Variants in DCC observed in about 807,000 individuals in gnomAD.
DCC encodes the protein DCC netrin 1 receptor, also known as netrin receptor DCC.
Under a neutral mutation model 172.5 loss-of-function variants are expected in DCC, and 58 were observed. That is an observed-to-expected ratio of 0.34 (90% CI 0.27 to 0.42). The LOEUF is 0.42. Ranked by LOEUF, DCC falls within the 10% of genes least tolerant of loss-of-function variation. The pLI is 1.00. For synonymous variants in DCC, 709 were observed against 644.5 expected (o/e 1.10, Z -1.52); for missense variants, 1,740 against 1,791.0 (o/e 0.97, Z 0.51).
At chr18:52,472,108 C>G (rs906752664) in intron 1 of DCC, among the ~76,000 whole-genome samples, 1 of 152,130 alleles carries the variant, frequency 6.6e-6, no homozygotes, top group Non-Finnish European at 1.5e-5. Flanking sequence ...TGCCATGCAC[C>G]CTGAGTGCAA....
chr18:53,524,294 C>T (rs1452103893), intron 27 of DCC, among the ~76,000 whole-genome samples: 4 of 149,264 alleles, frequency 2.7e-5, no homozygotes, highest in African/African-American at 9.9e-5. Context: ...TTGTTGAATA[C>T]ATGAAAAAAA....
intron 12 of DCC, among the ~76,000 whole-genome samples, chr18:53,230,471 T>G (rs933936613): frequency 6.6e-6 from 1 of 152,042 alleles, no homozygotes; most frequent in Non-Finnish European, 1.5e-5. Flanking sequence ...ATAATGTGTA[T>G]AGTCTTGTGT....
At position 53,486,407 on chromosome 18, in the gene DCC, C is replaced by G. The variant is rs78867711; in HGVS notation, c.3737-390C>G. ...ATTCCCAACATTTTTTCAACCCACT[C>G]TACACAATATATTTGATTTGTGAAC... On this transcript the variant is annotated intron_variant, in intron 25 of 28. Transcript: ENST00000442544. Among the ~76,000 whole-genome samples the G allele has an allele frequency of 2.7e-3, 405 of 152,280 alleles. 6 individuals are homozygous for G. The East Asian group carries it at 0.036, about 14-fold the overall frequency.
intron 1 of DCC, among the ~76,000 whole-genome samples, chr18:52,610,065 A>G (rs1476740050): frequency 1.4e-5 from 2 of 147,056 alleles, no homozygotes; most frequent in African/African-American, 5.1e-5. Context: ...TGTAATCCCA[A>G]CATTTTGGGA....
chr18:52,351,964 A>G (rs952586559), intron 1 of DCC, among the ~76,000 whole-genome samples: 4 of 152,188 alleles, frequency 2.6e-5, no homozygotes, highest in African/African-American at 7.2e-5. Flanking sequence ...TTGTTGCTAC[A>G]CAGCCCTGTG....
intron 1 of DCC, among the ~76,000 whole-genome samples, chr18:52,605,151 C>T (rs548044152): frequency 6.6e-6 from 1 of 152,082 alleles, no homozygotes; most frequent in East Asian, 1.9e-4. Flanking sequence ...ATTAAATGTA[C>T]TTTATTAGGT....
At chr18:52,688,621 G>A (rs1242302713) in intron 1 of DCC, among the ~76,000 whole-genome samples, 1 of 152,034 alleles carries the variant, frequency 6.6e-6, no homozygotes, top group Admixed American at 6.6e-5. Flanking sequence ...TGCTAAATGA[G>A]TAGGTTTTAG....
intron 1 of DCC, among the ~76,000 whole-genome samples, chr18:52,646,646 A>G (rs1418484572): frequency 6.6e-6 from 1 of 152,242 alleles, no homozygotes; most frequent in East Asian, 1.9e-4. Context: ...TGTATGATAA[A>G]GAACATTATA....
chr18:53,211,113 A>G (rs552887766), intron 11 of DCC, among the ~76,000 whole-genome samples: 14 of 152,336 alleles, frequency 9.2e-5, no homozygotes, highest in African/African-American at 3.4e-4. Flanking sequence ...TCCTGTGTCC[A>G]AATGCAGAAG....
At chr18:53,470,175 A>C (rs1343077210) in intron 25 of DCC, among the ~76,000 whole-genome samples, 1 of 152,076 alleles carries the variant, frequency 6.6e-6, no homozygotes, top group Non-Finnish European at 1.5e-5. Flanking sequence ...AATGGCCTTA[A>C]ATAAATATTA....
Position 53,413,603 on chromosome 18 carries a change from G to T in DCC, c.3131-2521G>T, listed in dbSNP as rs1910119958. Among the ~76,000 whole-genome samples, 3 of 152,280 alleles carry T rather than the reference G, an allele frequency of 2.0e-5. No individual in the cohort carries two copies. In the South Asian group the frequency reaches 6.2e-4, roughly 32 times the overall value. ...AAAAGATAAAAATGAGAATGGGTTT[G>T]TCTATCATTACATGTGGTTATTTAT... On this transcript the variant is annotated intron_variant, in intron 20 of 28. Coordinates refer to ENST00000442544, the MANE Select transcript of DCC (RefSeq NM_005215.4).
intron 1 of DCC, among the ~76,000 whole-genome samples, chr18:52,427,835 T>TCTTCCTTCCTTCCTTTCTTC (rs1987487777): frequency 2.8e-3 from 127 of 45,980 alleles, no homozygotes; most frequent in Middle Eastern, 9.8e-3. Flanking sequence ...TTCCTTCCTT[T>TCTTCCTTCCTTCCTTTCTTC]CTTCCTTCCT....
At chr18:53,219,465 C>T (rs922927181) in intron 12 of DCC, among the ~76,000 whole-genome samples, 3 of 152,068 alleles carry the variant, frequency 2.0e-5, no homozygotes, top group African/African-American at 7.2e-5. Context: ...CCTTTCCCCC[C>T]AAAACCCCAG....
chr18:52,367,425 C>G (rs1163282295), intron 1 of DCC, among the ~76,000 whole-genome samples: 1 of 152,200 alleles, frequency 6.6e-6, no homozygotes, highest in Non-Finnish European at 1.5e-5. Flanking sequence ...GTGCCAAGAG[C>G]AAGCGAGGGC....
At chr18:53,097,146 A>C (rs2043099686) in intron 7 of DCC, among the ~76,000 whole-genome samples, 1 of 152,162 alleles carries the variant, frequency 6.6e-6, no homozygotes. Flanking sequence ...AATACATTTA[A>C]TTTTCTATCC....
intron 1 of DCC, among the ~76,000 whole-genome samples, chr18:52,615,188 G>C (rs886457591): frequency 1.3e-5 from 2 of 152,136 alleles, no homozygotes; most frequent in African/African-American, 2.4e-5. Context: ...AGGTGCTTCA[G>C]AATGGAGTGT....
intron 11 of DCC, among the ~76,000 whole-genome samples, chr18:53,214,513 T>C (rs1234765774): frequency 6.6e-6 from 1 of 152,122 alleles, no homozygotes; most frequent in Non-Finnish European, 1.5e-5. Flanking sequence ...TAGAAAAACA[T>C]AGATTTTTTT....
At chr18:52,890,036 A>G (rs1168730502) in intron 2 of DCC, among the ~76,000 whole-genome samples, 1 of 152,204 alleles carries the variant, frequency 6.6e-6, no homozygotes, top group Non-Finnish European at 1.5e-5. Context: ...GGATGAAAAT[A>G]TGGTATCTGT....
chr18:53,312,153 CAAAAAAAAAAAAAAAA>C (rs895203731), intron 13 of DCC, among the ~76,000 whole-genome samples: 1 of 26,734 alleles, frequency 3.7e-5, no homozygotes, highest in Non-Finnish European at 6.7e-5. Context: ...GCTAAAAATA[CAAAAAAAAAAAAAAAA>C]AAAAAAAAGA....
Sources: gnomAD v4.1 joint callset for allele counts (sites outside exome capture counted in the v4.1 genomes callset) on GRCh38, gnomAD v4.1.1 for gene constraint, MANE v1.5 for transcripts, NCBI Gene and HGNC (gene_info 2026-07-23, HGNC 2026-07-21) for gene names.